The following LTBP3 variants were observed in gnomAD, a reference collection of about 807,000 sequenced individuals.
LTBP3 encodes the protein latent-transforming growth factor beta-binding protein 3.
LTBP3 carries 97 observed loss-of-function variants against 159.7 expected under a neutral mutation model. The ratio of observed to expected loss-of-function variants is 0.61; its 90% CI spans 0.52 to 0.72. The LOEUF is 0.72. LTBP3 is among the 30% of genes least tolerant of loss of function. LTBP3 has a pLI of 0.00. For synonymous variants in LTBP3, 824 were observed against 777.1 expected, an observed-to-expected ratio of 1.06 and a Z score of -1.00; for missense variants, 1,584 against 1,864.3, an observed-to-expected ratio of 0.85 and a Z score of 2.77.
chr11:65,541,948 C>G lies in LTBP3; in HGVS notation c.2597-220G>C. ...GTGGCTCCCACTAACCTTACAAAAC[C>G]TAAAAGTATCAGAAGCCCAAATGGA... On this transcript the variant is annotated intron_variant, in intron 18 of 27. Coordinates refer to ENST00000301873, the MANE Select transcript of LTBP3 (RefSeq NM_001130144.3). 9.1e-6 allele frequency: 5 copies of G among 547,004 alleles called. No individual in the cohort carries two copies. The South Asian group carries it at 9.5e-5, about 10-fold the overall frequency. The allele number at this position is 547,004 out of a possible 1,614,324, so 33.9% of individuals were successfully genotyped here.
Position 65,547,490 on chromosome 11 carries a change from T to C in LTBP3, c.2056A>G (p.Asn686Asp). 1 of 1,613,836 alleles carries C rather than the reference T, an allele frequency of 6.2e-7. No homozygotes were observed. Among genetic ancestry groups the C allele is most frequent in the Non-Finnish European group, 8.5e-7 (1 of 1,179,882 alleles). ...TTGAGCCGGTAGCCGGGGTAGCAGT[T>C]GCACTTGTAGTGACCGGGAAAGTTG... ...CINFPGHYKC[N>D]CYPGYRLKAS... Residue 686 changes from asparagine (N) to aspartate (D), a missense_variant, in exon 14 of 28, where the codon AAC becomes GAC. Physicochemically the swap from Asn to Asp is conservative, Grantham distance 23. Around this residue, in one of 6 missense-constraint regions of LTBP3, gnomAD observed 565 missense variants for 677.7 expected, o/e 0.83. Coordinates refer to ENST00000301873, the MANE Select transcript of LTBP3 (RefSeq NM_001130144.3). This position sits in a 1 kb window ranked among gnomAD's most constrained non-coding sequence, Gnocchi z 4.6.
In LTBP3 at chr11:65,553,166, T is replaced by C; in HGVS notation, c.1061A>G (p.Gln354Arg). The C allele has an allele frequency of 6.2e-7, 1 of 1,614,052 alleles. No homozygotes were observed. The highest frequency in any genetic ancestry group is 8.5e-7 in the Non-Finnish European group (1 of 1,179,956). ...CAGAATCTCCTAGCTGGCCATACCC[T>C]GGCAGTGGGTGCTGTTAAGCCTCTT... Reference protein sequence around the residue: ...GYKRLNSTHCQDINECAMPGV... With the variant: ...GYKRLNSTHCRDINECAMPGV... Residue 354 changes from glutamine to arginine, a missense_variant and splice_region_variant, in exon 5 of 28, where the codon CAG becomes CGG. Coordinates refer to ENST00000301873, the MANE Select transcript of LTBP3 (RefSeq NM_001130144.3). This position sits in a 1 kb window ranked among gnomAD's most constrained non-coding sequence, Gnocchi z 6.5.
intron 1 of LTBP3, 87 bp downstream of exon 1, chr11:65,557,542 A>C: frequency 1.3e-6 from 2 of 1,568,044 alleles, no homozygotes; most frequent in South Asian, 1.1e-5. Context: ...CTCAGCCCCC[A>C]GTCTCTAAGG....
At chr11:65,545,773 ACCTTC>A (rs770990054) in intron 16 of LTBP3, 1 of 195,158 alleles carries the variant, frequency 5.1e-6, no homozygotes, top group Non-Finnish European at 1.1e-5. Flanking sequence ...GCCCTCTAAC[ACCTTC>A]TGGGTGAAGC....
chr11:65,542,928 A>G lies in LTBP3; in HGVS notation c.2596+177T>C, dbSNP rs878862658. 3.2e-5 allele frequency: 26 copies of G among 812,704 alleles called. No individual in the cohort carries two copies. In the Middle Eastern group the frequency reaches 1.9e-3, roughly 60 times the overall value. 50.3% of individuals were successfully genotyped at this position (812,704 alleles called of 1,614,324 possible). On this transcript the variant is annotated intron_variant, in intron 18 of 27. Coordinates refer to ENST00000301873, the MANE Select transcript of LTBP3 (RefSeq NM_001130144.3). Reference sequence around the variant, plus strand: ...AGGATGAATGGAAGGATGGATGGATAGAAGGATGGATGGATGGATGGATGG... The same window carrying G: ...AGGATGAATGGAAGGATGGATGGATGGAAGGATGGATGGATGGATGGATGG...
rs557335712 is a variant in LTBP3 at position 65,547,956 on chromosome 11, C to T, written c.1810G>A (p.Gly604Ser). ...PPDYSCHCNP[G>S]YRSHPQHRYC... ...CGGTGCTGGGGATGTGACCGGTAGCCGGGGTTGCAGTGGCAGGAGTAGTCA... is the reference window on the plus strand; with the variant it reads ...CGGTGCTGGGGATGTGACCGGTAGCTGGGGTTGCAGTGGCAGGAGTAGTCA... Residue 604 changes from glycine to serine, a missense_variant, in exon 12 of 28, where the codon GGC (glycine) becomes AGC (serine). Transcript: ENST00000301873. The surrounding 1 kb of genome is among the most constrained non-coding windows in gnomAD (Gnocchi z 4.6). The T allele has an allele frequency of 4.3e-6, 7 of 1,613,950 alleles. No homozygotes were observed. The highest frequency in any genetic ancestry group is 2.2e-5 in the East Asian group (1 of 44,878).
At chr11:65,551,248 T>G in intron 10 of LTBP3, 24 bp from the exon 11 acceptor site, 14 of 1,539,044 alleles carry the variant, frequency 9.1e-6, no homozygotes, top group Non-Finnish European at 1.2e-5. Context: ...TGCACTCTGG[T>G]CAGAGACGAT....
chr11:65,552,901 G>A lies in LTBP3; in HGVS notation c.1145C>T (p.Pro382Leu). 1 of 1,614,172 alleles carries A rather than the reference G, an allele frequency of 6.2e-7. No individual in the cohort carries two copies. Among genetic ancestry groups the A allele is most frequent in the Non-Finnish European group, 8.5e-7 (1 of 1,180,012 alleles). The change falls in exon 6 of 28, where the codon CCA becomes CTA. Residue 382 changes from proline (P) to leucine (L), a missense_variant. Transcript: ENST00000301873. This position sits in a 1 kb window ranked among gnomAD's most constrained non-coding sequence, Gnocchi z 6.0. The part of the protein sequence containing the change: ...NNPGSYRCVC[P>L]PGHSLGPSRT... ...GGAGGGGCCTAAACTATGGCCAGGT[G>A]GGCAGACACAGCGATAGGAGCCAGG... is the stretch of plus-strand genomic sequence containing the variant.
intron 11 of LTBP3, 177 bp from the exon 12 acceptor site, chr11:65,548,222 A>T: frequency 1.1e-6 from 1 of 923,588 alleles, no homozygotes; most frequent in Non-Finnish European, 1.7e-6. Context: ...AGACCCCAGA[A>T]AGCTCCAAAC....
chr11:65,557,245 C>T (rs1358305851), intron 1 of LTBP3, among the ~76,000 whole-genome samples: 1 of 152,116 alleles, frequency 6.6e-6, no homozygotes, highest in Non-Finnish European at 1.5e-5. Flanking sequence ...TTTCTTCCAG[C>T]AAGTCTGCTT....
In LTBP3 at chr11:65,553,402, G is replaced by A. The variant is rs1439936675; in HGVS notation, c.970+23C>T. The A allele has an allele frequency of 1.9e-6, 3 of 1,598,280 alleles. No homozygotes were observed. The highest frequency in any genetic ancestry group is 1.7e-5 in the Admixed American group (1 of 59,908). On this transcript the variant is annotated intron_variant, in intron 4 of 27. Coordinates refer to ENST00000301873, the MANE Select transcript of LTBP3 (RefSeq NM_001130144.3). This position sits in a 1 kb window ranked among gnomAD's most constrained non-coding sequence, Gnocchi z 6.5. Reference sequence around the variant, plus strand: ...GGGGAGGGGCCACCAGATAGGGAACGCCCCCTGAGCCCAAGCACTCACACT... The same window carrying A: ...GGGGAGGGGCCACCAGATAGGGAACACCCCCTGAGCCCAAGCACTCACACT...
chr11:65,539,066 C>A lies in LTBP3; in HGVS notation c.*14G>T. 1 of 1,362,772 alleles carries A rather than the reference C, an allele frequency of 7.3e-7. No individual in the cohort carries two copies. The highest frequency in any genetic ancestry group is 1.6e-5 in the South Asian group (1 of 62,372). 84.4% of individuals were successfully genotyped at this position (1,362,772 alleles called of 1,614,324 possible). On this transcript the variant is annotated 3_prime_UTR_variant, in exon 28 of 28. Coordinates refer to ENST00000301873, the MANE Select transcript of LTBP3 (RefSeq NM_001130144.3). ...TGATCACCGAGGTCTGGGCCGAGGG[C>A]GGCGTCGGCGGCGTCAGCGGCGGCG...
Position 65,541,704 on chromosome 11 carries a change from G to C in LTBP3, c.2621C>G (p.Pro874Arg), listed in dbSNP as rs370306373. 2 of 1,614,052 alleles carry C rather than the reference G, an allele frequency of 1.2e-6. No homozygotes were observed. Among genetic ancestry groups the C allele is most frequent in the Non-Finnish European group, 1.7e-6 (2 of 1,179,990 alleles). Residue 874 changes from proline to arginine, a missense_variant, in exon 19 of 28, where the codon CCG (proline) becomes CGG (arginine). Physicochemically the swap from Pro to Arg is moderately radical, Grantham distance 103. This residue lies in a region of LTBP3 where 565 missense variants were observed against 677.7 expected (regional missense o/e 0.83). Transcript: ENST00000301873. Reference protein sequence around the residue: ...CQDIDECSQDPSLCLPHGACK... With the variant: ...CQDIDECSQDRSLCLPHGACK... ...GGCCCCATGGGGAAGGCACAGGCTC[G>C]GGTCCTGGCTGCACTCATCTATGTC...
chr11:65,558,244 G>A lies in LTBP3; in HGVS notation c.-285C>T, dbSNP rs1856882938. On this transcript the variant is annotated 5_prime_UTR_variant, in exon 1 of 28. Coordinates refer to ENST00000301873, the MANE Select transcript of LTBP3 (RefSeq NM_001130144.3). ...CCGGAGCAAGTTGAGGCGGAGAGGA[G>A]GAGCGAGGGAGAGGAAGGCCGGGCG... 9.6e-7 allele frequency: 1 copy of A among 1,038,962 alleles called. No individual in the cohort carries two copies. Among genetic ancestry groups the A allele is most frequent in the Non-Finnish European group, 1.2e-6 (1 of 860,804 alleles). The allele number at this position is 1,038,962 out of a possible 1,614,324, so 64.4% of individuals were successfully genotyped here.
intron 17 of LTBP3, 86 bp downstream of exon 17, chr11:65,543,341 A>G: frequency 6.2e-7 from 1 of 1,611,914 alleles, no homozygotes; most frequent in South Asian, 1.1e-5. Flanking sequence ...GCCCCAACTG[A>G]GATCTGGATT....
In LTBP3 at chr11:65,547,902, C is replaced by G. The variant is rs551522678; in HGVS notation, c.1846+18G>C. Reference sequence around the variant, plus strand: ...CCCCCCCACCCACCTGCATGCCCGCCGCCTGCCCTGCGCTCACCCACGCAG... The same window carrying G: ...CCCCCCCACCCACCTGCATGCCCGCGGCCTGCCCTGCGCTCACCCACGCAG... On this transcript the variant is annotated intron_variant, in intron 12 of 27. Transcript: ENST00000301873. The surrounding 1 kb of genome is among the most constrained non-coding windows in gnomAD (Gnocchi z 4.6). 8 of 1,613,446 alleles carry G rather than the reference C, an allele frequency of 5.0e-6. No homozygotes were observed. The Middle Eastern group carries it at 6.6e-4, about 133-fold the overall frequency.
intron 20 of LTBP3, 34 bp downstream of exon 20, chr11:65,541,092 G>A (rs1856115316): frequency 6.2e-7 from 1 of 1,602,516 alleles, no homozygotes; most frequent in South Asian, 1.1e-5. Flanking sequence ...TGAAGAAACT[G>A]AAGATCTGGG....
rs998924341 is a variant in LTBP3, at chr11:65,546,839, CA to C, written c.2188del (p.Cys730ValfsTer16). 3.7e-6 allele frequency: 6 copies of C among 1,610,286 alleles called. No individual in the cohort carries two copies. In the African/African-American group the frequency reaches 6.7e-5, roughly 18 times the overall value. ...CCCCTGGCTGCGGTAGCCAGGCTGA[CA>C]GGCGATGCACTTGAAGCTCCCGGGC... ...NKPGSFKCIA[C>X]QPGYRSQGGG... On this transcript the variant is annotated frameshift_variant, in exon 15 of 28. Coordinates refer to ENST00000301873, the MANE Select transcript of LTBP3 (RefSeq NM_001130144.3). LOFTEE classifies it high-confidence loss of function. The surrounding 1 kb of genome is among the most constrained non-coding windows in gnomAD (Gnocchi z 4.0).
Position 65,553,794 on chromosome 11 carries a change from C to A in LTBP3, c.771G>T (p.Gln257His). Residue 257 changes from glutamine (Q) to histidine (H), a missense_variant, in exon 3 of 28, where the codon CAG becomes CAT. Around this residue, in one of 6 missense-constraint regions of LTBP3, gnomAD observed 194 missense variants for 198.7 expected, o/e 0.98. Transcript: ENST00000301873. The surrounding 1 kb of genome is among the most constrained non-coding windows in gnomAD (Gnocchi z 6.5). ...SSNAESAAPS[Q>H]HLLPHPKPSH... ...AGGGCTTGGGGTGCGGCAGCAGGTG[C>A]TGGGAGGGGGCTGCGCTCTCGGCGT... 6.4e-7 allele frequency: 1 copy of A among 1,565,030 alleles called. No homozygotes were observed.
Sources: gnomAD v4.1 joint callset for allele counts (sites outside exome capture counted in the v4.1 genomes callset) on GRCh38, gnomAD v4.1.1 for gene constraint, gnomAD v4.1.1 regional missense constraint, Gnocchi (gnomAD v3.1) non-coding constraint, MANE v1.5 for transcripts, NCBI Gene and HGNC (gene_info 2026-07-23, HGNC 2026-07-21) for gene names.